Variants in DHRS7B observed in about 807,000 individuals in gnomAD.
The protein encoded by DHRS7B is peroxisomal reductase activating PPAR-gamma.
In DHRS7B, 24 loss-of-function variants were observed where a neutral mutation model predicts 26.4. The observed-to-expected ratio is 0.91, with a 90% CI of 0.66 to 1.28. The LOEUF (loss-of-function observed/expected upper bound fraction) is 1.28, where lower values mean the gene tolerates loss of function less well. Among genes scored for constraint, DHRS7B ranks in the 50% most tolerant of loss-of-function variants. The pLI is 0.00. For missense variants in DHRS7B, 368 were observed against 419.4 expected (o/e 0.88, Z 1.07); for synonymous variants, 142 against 166.4 (o/e 0.85, Z 1.13).
rs1973118950 is a variant in DHRS7B, at chr17:21,127,208, G to A, written c.20+217G>A. The A allele has an allele frequency of 7.8e-6, 4 of 511,572 alleles. No individual in the cohort carries two copies. In the South Asian group the frequency reaches 1.3e-4, roughly 16 times the overall value. 31.7% of individuals were successfully genotyped at this position (511,572 alleles called of 1,614,324 possible). ...CCTGGCTCCGGCGAGTGCGTGGCGGGGAAACCCGCCTGTCGCCGAGGTGTC... is the reference window on the plus strand; with the variant it reads ...CCTGGCTCCGGCGAGTGCGTGGCGGAGAAACCCGCCTGTCGCCGAGGTGTC... On this transcript the variant is annotated intron_variant, in intron 1 of 6. Coordinates refer to ENST00000395511, the MANE Select transcript of DHRS7B (RefSeq NM_015510.5).
Position 21,159,422 on chromosome 17 carries a change from T to G in DHRS7B, c.21-12596T>G, listed in dbSNP as rs1230151200. 2.0e-5 allele frequency among the ~76,000 whole-genome samples: 3 copies of G among 151,606 alleles called. No homozygotes were observed. In the East Asian group the frequency reaches 5.9e-4, roughly 30 times the overall value. On this transcript the variant is annotated intron_variant, in intron 1 of 6. Coordinates refer to ENST00000395511, the MANE Select transcript of DHRS7B (RefSeq NM_015510.5). The stretch of plus-strand genomic sequence containing the variant: ...ACCACCACGCCCGGCTAATTTTTTT[T>G]TTTTTTGTATTTTTAGTAGAGACGG...
At chr17:21,153,087 C>T (rs1430287155) in intron 1 of DHRS7B, among the ~76,000 whole-genome samples, 1 of 152,102 alleles carries the variant, frequency 6.6e-6, no homozygotes, top group Non-Finnish European at 1.5e-5. Context: ...GGCAGGAATG[C>T]TGGATTTATC....
intron 2 of DHRS7B, 98 bp downstream of exon 2, chr17:21,172,294 A>C (rs767652706): frequency 6.2e-6 from 9 of 1,444,274 alleles, no homozygotes; most frequent in East Asian, 2.5e-5. Flanking sequence ...AAATGCCCGA[A>C]GCGGCAGCAG....
chr17:21,176,819 G>A (rs1055321552), intron 2 of DHRS7B, among the ~76,000 whole-genome samples: 1 of 152,056 alleles, frequency 6.6e-6, no homozygotes, highest in African/African-American at 2.4e-5. Flanking sequence ...AAACAAAGAG[G>A]TTCTAACTTA....
intron 6 of DHRS7B, 49 bp from the exon 7 acceptor site, chr17:21,190,899 G>A: frequency 1.3e-6 from 2 of 1,599,618 alleles, no homozygotes; most frequent in Non-Finnish European, 1.7e-6. Flanking sequence ...TCCTCAAGAG[G>A]GACCTCTGCT....
At position 21,189,119 on chromosome 17, in the gene DHRS7B, C is replaced by T. The variant is rs1272941810; in HGVS notation, c.772+256C>T. 2.0e-5 allele frequency among the ~76,000 whole-genome samples: 3 copies of T among 152,190 alleles called. 1 individual carries two copies. The East Asian group carries it at 5.8e-4, about 29-fold the overall frequency. On this transcript the variant is annotated intron_variant, in intron 6 of 6. Coordinates refer to ENST00000395511, the MANE Select transcript of DHRS7B (RefSeq NM_015510.5). ...GACCTCTGTGGGCAGGACTCAAGGG[C>T]TAAAAGGAAGTTGCCAAGCTGAAAT... is the stretch of plus-strand genomic sequence containing the variant.
At chr17:21,160,081 C>T (rs1387488394) in intron 1 of DHRS7B, among the ~76,000 whole-genome samples, 7 of 151,686 alleles carry the variant, frequency 4.6e-5, no homozygotes, top group Admixed American at 1.3e-4. Flanking sequence ...TTAGGCCTGG[C>T]GTGGTGGCTC....
rs1279002631 is a variant in DHRS7B at position 21,133,101 on chromosome 17, TG to T, written c.20+6111del. Among the ~76,000 whole-genome samples, 6 of 152,358 alleles carry T rather than the reference TG, an allele frequency of 3.9e-5. No homozygotes were observed. The South Asian group carries it at 6.2e-4, about 16-fold the overall frequency. On this transcript the variant is annotated intron_variant, in intron 1 of 6. Coordinates refer to ENST00000395511, the MANE Select transcript of DHRS7B (RefSeq NM_015510.5). ...AATGAGATCATGGGTATGGAGAATG[TG>T]TATTTCAGTGTCTGGCACATTGCAA...
chr17:21,185,165 G>C (rs1487369045), intron 5 of DHRS7B, among the ~76,000 whole-genome samples: 5 of 152,154 alleles, frequency 3.3e-5, no homozygotes, highest in Non-Finnish European at 7.4e-5. Flanking sequence ...CAATAAAAAG[G>C]GTTTTAAGGT....
chr17:21,187,094 G>GATATATAT lies in DHRS7B; in HGVS notation c.620-1605_620-1598dup, dbSNP rs147554727. On this transcript the variant is annotated intron_variant, in intron 5 of 6. Transcript: ENST00000395511. ...GTAAGAGTTCATTTCTGTATTAAAA[G>GATATATAT]ATATATATATATATATATAAAATAT... Among the ~76,000 whole-genome samples the GATATATAT allele has an allele frequency of 6.5e-3, 931 of 143,104 alleles. 13 individuals carry two copies. Among genetic ancestry groups the GATATATAT allele is most frequent in the African/African-American group, 0.021 (806 of 38,088 alleles). 93.9% of individuals were successfully genotyped at this position (143,104 alleles called of 152,430 possible).
rs891044822 is a variant in DHRS7B at position 21,158,878 on chromosome 17, C to G, written c.21-13140C>G. On this transcript the variant is annotated intron_variant, in intron 1 of 6. Transcript: ENST00000395511. ...ACAGAATAGAGAGCCCAGAAATAGA[C>G]TCACATAAATAGAGCCAACTGATGT... Among the ~76,000 whole-genome samples the G allele has an allele frequency of 3.3e-5, 5 of 151,784 alleles. No individual in the cohort carries two copies. The East Asian group carries it at 9.7e-4, about 29-fold the overall frequency.
intron 1 of DHRS7B, 163 bp from the exon 2 acceptor site, chr17:21,171,855 C>T (rs1256165672): frequency 1.8e-5 from 15 of 837,302 alleles, no homozygotes; most frequent in African/African-American, 5.0e-5. Context: ...CAATGCTGAA[C>T]AGTCGGCCGA....
chr17:21,166,043 G>GAACA (rs1974105686), intron 1 of DHRS7B: 1 of 502,564 alleles, frequency 2.0e-6, no homozygotes, highest in Non-Finnish European at 2.6e-6. Flanking sequence ...GACTTGGCGC[G>GAACA]GGCTCTGCCT....
chr17:21,182,030 T>G (rs956555287), intron 3 of DHRS7B, among the ~76,000 whole-genome samples: 5 of 152,202 alleles, frequency 3.3e-5, no homozygotes. Flanking sequence ...AGAGGAAGGC[T>G]TTCCATCTTT....
At chr17:21,170,351 A>T (rs938921814) in intron 1 of DHRS7B, among the ~76,000 whole-genome samples, 2 of 152,214 alleles carry the variant, frequency 1.3e-5, no homozygotes, top group African/African-American at 4.8e-5. Context: ...GGGACCCAGC[A>T]TAGCCTGCAG....
intron 6 of DHRS7B, among the ~76,000 whole-genome samples, chr17:21,190,166 TA>T (rs77523069): frequency 4.9e-3 from 701 of 141,676 alleles, no homozygotes; most frequent in Non-Finnish European, 4.3e-3. Context: ...ACCCTGTCTT[TA>T]AAAAAAAAAA....
intron 1 of DHRS7B, among the ~76,000 whole-genome samples, chr17:21,138,066 T>TAAA (rs1555536184): frequency 1.1e-3 from 40 of 35,246 alleles, no homozygotes; most frequent in Middle Eastern, 0.02. Flanking sequence ...CGGCCTCTTT[T>TAAA]AAAAAAAAAA....
intron 1 of DHRS7B, chr17:21,166,147 G>A (rs1470727818): frequency 4.6e-5 from 45 of 985,320 alleles, no homozygotes; most frequent in South Asian, 3.3e-4. Context: ...CAGGATTGCC[G>A]GGAAGCATGT....
At chr17:21,186,271 C>T (rs952433223) in intron 5 of DHRS7B, among the ~76,000 whole-genome samples, 1 of 152,246 alleles carries the variant, frequency 6.6e-6, no homozygotes, top group Admixed American at 6.5e-5. Context: ...AGTACTGGGC[C>T]TCACACTGGC....
Sources: allele counts gnomAD v4.1 joint callset (sites outside exome capture counted in the v4.1 genomes callset), GRCh38; gene constraint gnomAD v4.1.1; transcripts MANE v1.5; gene names NCBI Gene and HGNC (gene_info 2026-07-23, HGNC 2026-07-21).